SETD1A: variants seen among roughly 807,000 people sequenced by gnomAD.
SETD1A encodes SET domain containing 1A, histone lysine methyltransferase, also known as histone-lysine N-methyltransferase SETD1A.
SETD1A carries 29 observed loss-of-function variants against 149.9 expected under a neutral mutation model. The ratio of observed to expected loss-of-function variants is 0.19; its 90% CI spans 0.14 to 0.26. The LOEUF (loss-of-function observed/expected upper bound fraction) is 0.26. Among genes scored for constraint, SETD1A ranks in the 10% least tolerant of loss-of-function variants. SETD1A has a pLI of 1.00. For missense variants in SETD1A, 2,109 were observed against 2,353.1 expected, an observed-to-expected ratio of 0.90 and a Z score of 2.15; for synonymous variants, 1,141 against 968.5, an observed-to-expected ratio of 1.18 and a Z score of -3.31.
At chr16:30,966,477 A>C in intron 8 of SETD1A, 91 bp downstream of exon 8, 2 of 1,471,340 alleles carry the variant, frequency 1.4e-6, no homozygotes, top group Non-Finnish European at 1.8e-6. Context: ...CAGAGGAGAC[A>C]GGTGATGGAG....
rs772709257 is a variant in SETD1A, at chr16:30,965,212, C to A, written c.1470C>A (p.Ser490=). 1 of 1,614,224 alleles carries A rather than the reference C, an allele frequency of 6.2e-7. No individual in the cohort carries two copies. Among genetic ancestry groups the A allele is most frequent in the East Asian group, 2.2e-5 (1 of 44,882 alleles). ...TCGCCCAGCACAGCAGCCTGGATTC[C>A]CGCATCGAGATGCTGCTGAAGGAGC... ...VPFAQHSSLD[S]RIEMLLKEQR... Residue 490 remains serine (S), a synonymous_variant, in exon 7 of 19, where the codon TCC becomes TCA. Transcript: ENST00000262519.
chr16:30,960,709 T>C (rs1009507763), intron 3 of SETD1A, among the ~76,000 whole-genome samples: 3 of 109,008 alleles, frequency 2.8e-5, no homozygotes, highest in African/African-American at 8.1e-5. Context: ...TTCCTCAGTG[T>C]GTACATTTCT....
chr16:30,979,994 C>CCAA lies in SETD1A; in HGVS notation c.4208_4209insCAA (p.Pro1403_Pro1404insAsn). ...CGCTCCCACGCCCGGCGCCGCCGCC[C>CCAA]TCCGCCCCCACCCCCGCCGCCACCG... On this transcript the variant is annotated inframe_insertion, in exon 14 of 19. Transcript: ENST00000262519. 9.4e-6 allele frequency: 14 copies of CCAA among 1,486,966 alleles called. No homozygotes were observed. Among genetic ancestry groups the CCAA allele is most frequent in the Non-Finnish European group, 1.2e-5 (13 of 1,121,834 alleles). 92.1% of individuals were successfully genotyped at this position (1,486,966 alleles called of 1,614,324 possible). A position where few individuals can be genotyped will look rare whatever the true frequency, so the allele number is the denominator to read the frequency against.
chr16:30,970,830 T>G (rs981747070), intron 12 of SETD1A, among the ~76,000 whole-genome samples: 9 of 152,214 alleles, frequency 5.9e-5, no homozygotes, highest in Non-Finnish European at 1.3e-4. Context: ...TGCCACCACC[T>G]TCTAGTCTAA....
intron 6 of SETD1A, 130 bp downstream of exon 6, chr16:30,964,453 C>T: frequency 1.5e-6 from 2 of 1,361,592 alleles, no homozygotes; most frequent in Non-Finnish European, 2.0e-6. Flanking sequence ...TGGATTCAGT[C>T]AACAAATTGC....
chr16:30,972,826 C>T (rs1432370969), intron 13 of SETD1A, among the ~76,000 whole-genome samples: 1 of 151,794 alleles, frequency 6.6e-6, no homozygotes, highest in Non-Finnish European at 1.5e-5. Context: ...TGCACTCCAG[C>T]CTGGGTGGCA....
intron 5 of SETD1A, 75 bp from the exon 6 acceptor site, chr16:30,964,019 C>T (rs2056094549): frequency 8.4e-7 from 1 of 1,183,838 alleles, no homozygotes; most frequent in Non-Finnish European, 1.2e-6. Context: ...ACTAGGATTC[C>T]TGGTTTGGGA....
At chr16:30,960,973 C>T (rs986232023) in intron 3 of SETD1A, among the ~76,000 whole-genome samples, 6 of 151,858 alleles carry the variant, frequency 4.0e-5, no homozygotes, top group Admixed American at 1.3e-4. Context: ...GAACTCCTGA[C>T]TTCTGGTGAT....
chr16:30,972,159 ACTCTAGCACATT>A (rs1005641530), intron 13 of SETD1A, among the ~76,000 whole-genome samples: 1 of 152,122 alleles, frequency 6.6e-6, no homozygotes, highest in Non-Finnish European at 1.5e-5. Context: ...TAGTTGTTAT[ACTCTAGCACATT>A]CGCATAGCTT....
In SETD1A at chr16:30,965,442, A is replaced by G. The variant is rs956421538; in HGVS notation, c.1700A>G (p.Lys567Arg). 1 of 1,598,862 alleles carries G rather than the reference A, an allele frequency of 6.3e-7. No individual in the cohort carries two copies. Among genetic ancestry groups the G allele is most frequent in the Non-Finnish European group, 8.6e-7 (1 of 1,169,104 alleles). The change falls in exon 7 of 19, where the codon AAG becomes AGG. Residue 567 changes from lysine (K) to arginine (R), a missense_variant. Lys to Arg is a conservative substitution (Grantham distance 26). Around this residue, in one of 8 missense-constraint regions of SETD1A, gnomAD observed 431 missense variants for 388.6 expected, o/e 1.11. Coordinates refer to ENST00000262519, the MANE Select transcript of SETD1A (RefSeq NM_014712.3). ...GEPGATRESP[K>R]ANGQNQASPC... Reference sequence around the variant, plus strand: ...CCAGGGGCTACCCGGGAGTCTCCCAAGGCAAATGGACAGAACCAGGTGAGG... The same window carrying G: ...CCAGGGGCTACCCGGGAGTCTCCCAGGGCAAATGGACAGAACCAGGTGAGG...
chr16:30,969,144 G>T (rs2056192077), intron 10 of SETD1A, among the ~76,000 whole-genome samples, 161 bp from the exon 11 acceptor site: 1 of 152,002 alleles, frequency 6.6e-6, no homozygotes, highest in South Asian at 2.1e-4. Flanking sequence ...GAAACATGAG[G>T]TAACTGAGGT....
chr16:30,978,231 G>A (rs555576671), intron 13 of SETD1A, among the ~76,000 whole-genome samples: 11 of 139,994 alleles, frequency 7.9e-5, no homozygotes, highest in East Asian at 2.0e-4. Flanking sequence ...CCGAGATTGC[G>A]CCACTGCACT....
rs748597254 is a variant in SETD1A, at chr16:30,979,733, G to A, written c.3947G>A (p.Arg1316Gln). The change falls in exon 14 of 19, where the codon CGG becomes CAG. Residue 1316 changes from arginine (R) to glutamine (Q), a missense_variant. Transcript: ENST00000262519. ...VKPTPPAPAL[R>Q]PPEPVPAPAA... ...CCCACGCCCCCTGCGCCAGCCCTGCGGCCCCCGGAGCCAGTGCCCGCACCC... is the reference window on the plus strand; with the variant it reads ...CCCACGCCCCCTGCGCCAGCCCTGCAGCCCCCGGAGCCAGTGCCCGCACCC... 3.3e-5 allele frequency: 52 copies of A among 1,599,134 alleles called. No homozygotes were observed. The highest frequency in any genetic ancestry group is 1.7e-4 in the African/African-American group (13 of 74,812).
Position 30,980,294 on chromosome 16 carries a change from C to T in SETD1A, c.4408+100C>T. On this transcript the variant is annotated intron_variant, in intron 14 of 18. Transcript: ENST00000262519. This position sits in a 1 kb window ranked among gnomAD's most constrained non-coding sequence, Gnocchi z 7.7. ...CACTCTGTCTGCCTCCCCTCTGGCTCCAAGCCATCTTTTCTCTCCTCCTGG... is the reference window on the plus strand; with the variant it reads ...CACTCTGTCTGCCTCCCCTCTGGCTTCAAGCCATCTTTTCTCTCCTCCTGG... 6.9e-7 allele frequency: 1 copy of T among 1,459,254 alleles called. No homozygotes were observed. Among genetic ancestry groups the T allele is most frequent in the South Asian group, 1.4e-5 (1 of 70,998 alleles). 90.4% of individuals were successfully genotyped at this position (1,459,254 alleles called of 1,614,324 possible).
chr16:30,980,915 G>T lies in SETD1A; in HGVS notation c.4692+66G>T. On this transcript the variant is annotated intron_variant, in intron 16 of 18. Transcript: ENST00000262519. This position sits in a 1 kb window ranked among gnomAD's most constrained non-coding sequence, Gnocchi z 7.7. ...GGGCAGGAAGGGGCAGAGGCCAGGG[G>T]ACCACCCAGCAGGCTCCTGTGGTTC... 2 of 1,555,992 alleles carry T rather than the reference G, an allele frequency of 1.3e-6. No individual in the cohort carries two copies. Among genetic ancestry groups the T allele is most frequent in the Non-Finnish European group, 1.8e-6 (2 of 1,137,394 alleles).
intron 9 of SETD1A, 145 bp downstream of exon 9, chr16:30,967,205 G>T: frequency 1.5e-6 from 1 of 675,350 alleles, no homozygotes; most frequent in Admixed American, 3.0e-5. Context: ...CCAGGCTGGA[G>T]TGCAGTGGCC....
intron 3 of SETD1A, among the ~76,000 whole-genome samples, chr16:30,960,241 T>C (rs571748976): frequency 5.9e-5 from 9 of 152,348 alleles, no homozygotes; most frequent in Non-Finnish European, 1.2e-4. Flanking sequence ...TTCCTTTTGT[T>C]GCCAAGTCCA....
intron 10 of SETD1A, among the ~76,000 whole-genome samples, chr16:30,968,014 T>C (rs901716344): frequency 4.6e-5 from 7 of 152,188 alleles, no homozygotes; most frequent in African/African-American, 1.7e-4. Flanking sequence ...GGAGACCCAC[T>C]GGCCTTCATA....
intron 13 of SETD1A, among the ~76,000 whole-genome samples, chr16:30,971,966 TCTC>T (rs1157975920): frequency 6.6e-6 from 1 of 152,198 alleles, no homozygotes; most frequent in Non-Finnish European, 1.5e-5. Context: ...GTTGGTCTCT[TCTC>T]AAGTAAATTA....
Sources: allele counts gnomAD v4.1 joint callset (sites outside exome capture counted in the v4.1 genomes callset), GRCh38; gene constraint gnomAD v4.1.1; regional missense constraint gnomAD v4.1.1; non-coding constraint Gnocchi (gnomAD v3.1); transcripts MANE v1.5; gene names NCBI Gene and HGNC (gene_info 2026-07-23, HGNC 2026-07-21).